The following CRYZ variants were observed in gnomAD, a reference collection of about 807,000 sequenced individuals.
CRYZ encodes the protein zeta-crystallin.
In CRYZ, 35 loss-of-function variants were observed where a neutral mutation model predicts 34.1. The ratio of observed to expected loss-of-function variants is 1.03; its 90% CI spans 0.78 to 1.36. The LOEUF is 1.36. Among genes scored for constraint, CRYZ ranks in the 40% most tolerant of loss-of-function variants. The pLI, the probability that CRYZ is intolerant of heterozygous loss-of-function variation, is 0.00. For synonymous variants in CRYZ, 137 were observed against 136.5 expected, an observed-to-expected ratio of 1.00 and a Z score of -0.03; for missense variants, 403 against 391.8, an observed-to-expected ratio of 1.03 and a Z score of -0.24.
At chr1:74,710,649 TG>T (rs939016772) in intron 5 of CRYZ, among the ~76,000 whole-genome samples, 4 of 152,224 alleles carry the variant, frequency 2.6e-5, no homozygotes, top group Non-Finnish European at 1.5e-5. Flanking sequence ...GGTTTAAAGA[TG>T]ATCAGAACAT....
At chr1:74,732,212 G>C (rs1311739600) in intron 1 of CRYZ, among the ~76,000 whole-genome samples, 1 of 148,096 alleles carries the variant, frequency 6.8e-6, no homozygotes, top group Non-Finnish European at 1.5e-5. Flanking sequence ...GCTGTGGGAA[G>C]GGGCCCTACC....
chr1:74,707,265 T>G (rs1471396591), intron 6 of CRYZ, 61 bp from the exon 7 acceptor site: 13 of 879,362 alleles, frequency 1.5e-5, no homozygotes, highest in Non-Finnish European at 2.4e-5. Context: ...AAATAGCTAC[T>G]ATCTGTACAA....
At chr1:74,723,059 G>T in intron 3 of CRYZ, 59 bp downstream of exon 3, 1 of 1,545,254 alleles carries the variant, frequency 6.5e-7, no homozygotes, top group Non-Finnish European at 8.9e-7. Context: ...TGAAAGCTAT[G>T]TTCAAATATT....
chr1:74,724,893 T>G (rs1157652361), intron 1 of CRYZ, 59 bp from the exon 2 acceptor site: 5 of 1,025,380 alleles, frequency 4.9e-6, no homozygotes, highest in Non-Finnish European at 6.0e-6. Context: ...CACCATGTTT[T>G]TCCCCCCTGG....
At chr1:74,722,302 AC>A (rs1319539664) in intron 3 of CRYZ, among the ~76,000 whole-genome samples, 1 of 152,140 alleles carries the variant, frequency 6.6e-6, no homozygotes, top group Admixed American at 6.6e-5. Flanking sequence ...GTCAAATGTC[AC>A]AGAGAAATCA....
intron 6 of CRYZ, among the ~76,000 whole-genome samples, chr1:74,709,615 C>G (rs1377451305): frequency 6.6e-6 from 1 of 152,210 alleles, no homozygotes; most frequent in Non-Finnish European, 1.5e-5. Context: ...AATGCAGCAA[C>G]TAAATAAATG....
At chr1:74,713,792 C>A (rs2100702014) in intron 5 of CRYZ, among the ~76,000 whole-genome samples, 1 of 152,256 alleles carries the variant, frequency 6.6e-6, no homozygotes, top group South Asian at 2.1e-4. Context: ...CATCTAGCCC[C>A]AGGCCTTTTA....
chr1:74,712,458 G>A (rs74095148), intron 5 of CRYZ, among the ~76,000 whole-genome samples: 3,902 of 152,186 alleles, frequency 0.026, 161 homozygotes, highest in African/African-American at 0.089. Flanking sequence ...GACCGGGTTC[G>A]GCAAGAAAAG....
intron 5 of CRYZ, among the ~76,000 whole-genome samples, chr1:74,713,391 C>T (rs892786110): frequency 6.6e-6 from 1 of 152,126 alleles, no homozygotes; most frequent in Non-Finnish European, 1.5e-5. Flanking sequence ...CCTTTAGTTA[C>T]TTAGGGTTAA....
chr1:74,707,292 G>T, intron 6 of CRYZ, 88 bp from the exon 7 acceptor site: 1 of 722,248 alleles, frequency 1.4e-6, no homozygotes, highest in Non-Finnish European at 2.3e-6. Context: ...ATAGAAATAT[G>T]TTTCAAATGA....
At chr1:74,722,832 T>C (rs1319392583) in intron 3 of CRYZ, among the ~76,000 whole-genome samples, 1 of 152,164 alleles carries the variant, frequency 6.6e-6, no homozygotes, top group Non-Finnish European at 1.5e-5. Flanking sequence ...GTGTGTTTTC[T>C]TTCCTTACAT....
At chr1:74,715,146 T>G (rs1647054883) in intron 4 of CRYZ, among the ~76,000 whole-genome samples, 1 of 152,228 alleles carries the variant, frequency 6.6e-6, no homozygotes, top group South Asian at 2.1e-4. Context: ...AGCCTTGTAC[T>G]CTTTCAGGGA....
intron 4 of CRYZ, among the ~76,000 whole-genome samples, chr1:74,715,693 C>A (rs969799847): frequency 2.6e-5 from 4 of 152,078 alleles, no homozygotes; most frequent in African/African-American, 9.7e-5. Context: ...AAATACCTCC[C>A]AAAGAAATTT....
At chr1:74,730,129 C>T (rs1386622456) in intron 1 of CRYZ, among the ~76,000 whole-genome samples, 1 of 139,524 alleles carries the variant, frequency 7.2e-6, no homozygotes, top group Non-Finnish European at 1.5e-5. Flanking sequence ...CTGTATCTTT[C>T]CCCCCCCACA....
Position 74,706,104 on chromosome 1 carries a change from A to T in CRYZ, c.*192T>A. The T allele has an allele frequency of 2.1e-6, 1 of 474,312 alleles. No individual in the cohort carries two copies. Among genetic ancestry groups the T allele is most frequent in the Non-Finnish European group, 3.7e-6 (1 of 269,328 alleles). 29.4% of individuals were successfully genotyped at this position (474,312 alleles called of 1,614,324 possible). A position where few individuals can be genotyped will look rare whatever the true frequency, so the allele number is the denominator to read the frequency against. On this transcript the variant is annotated 3_prime_UTR_variant, in exon 9 of 9. Coordinates refer to ENST00000340866, the MANE Select transcript of CRYZ (RefSeq NM_001889.4). Reference sequence around the variant, plus strand: ...ATGATGACTCTTTGATTTGAGACAGATGGCATAAAAAAATATTGCTAGCTA... The same window carrying T: ...ATGATGACTCTTTGATTTGAGACAGTTGGCATAAAAAAATATTGCTAGCTA...
At chr1:74,730,868 C>T (rs558884204) in intron 1 of CRYZ, among the ~76,000 whole-genome samples, 3 of 152,238 alleles carry the variant, frequency 2.0e-5, no homozygotes, top group South Asian at 4.2e-4. Flanking sequence ...CAGGTAGAAT[C>T]GCATATTTTA....
chr1:74,723,249 A>G lies in CRYZ; in HGVS notation c.133T>C (p.Cys45Arg). Residue 45 changes from cysteine (C) to arginine (R), a missense_variant, in exon 3 of 9, where the codon TGT becomes CGT. Coordinates refer to ENST00000340866, the MANE Select transcript of CRYZ (RefSeq NM_001889.4). ...TATGTCTCCACGGGGTTGACACCAC[A>G]TGCATGGACCTTGATTAGAACCTGC... ...DHQVLIKVHA[C>R]GVNPVETYIR... is the part of the protein sequence containing the mutation. 10 of 1,611,656 alleles carry G rather than the reference A, an allele frequency of 6.2e-6. No homozygotes were observed. The highest frequency in any genetic ancestry group is 8.5e-6 in the Non-Finnish European group (10 of 1,179,496).
At chr1:74,707,562 C>T (rs536478531) in intron 6 of CRYZ, 1 of 157,648 alleles carries the variant, frequency 6.3e-6, no homozygotes, top group East Asian at 1.8e-4. Flanking sequence ...GCCCCAAACC[C>T]CCAGGGGGCT....
chr1:74,726,377 G>A (rs1647339276), intron 1 of CRYZ, among the ~76,000 whole-genome samples: 1 of 152,204 alleles, frequency 6.6e-6, no homozygotes, highest in African/African-American at 2.4e-5. Flanking sequence ...CAACATGAAT[G>A]CCTCAGAGGC....
Sources: allele counts gnomAD v4.1 joint callset (sites outside exome capture counted in the v4.1 genomes callset), GRCh38; gene constraint gnomAD v4.1.1; transcripts MANE v1.5; gene names NCBI Gene and HGNC (gene_info 2026-07-23, HGNC 2026-07-21).